The following RBBP4 variants were observed in gnomAD, a reference collection of about 807,000 sequenced individuals.
RBBP4 encodes RB binding protein 4, chromatin remodeling factor.
RBBP4 carries 3 observed loss-of-function variants against 57.2 expected under a neutral mutation model. The observed-to-expected ratio is 0.05, with a 90% CI of 0.02 to 0.14. RBBP4 has a LOEUF of 0.14. RBBP4 is among the 10% of genes least tolerant of loss of function. RBBP4 has a pLI of 1.00. For synonymous variants in RBBP4, 151 were observed against 171.5 expected (o/e 0.88, Z 0.93); for missense variants, 107 against 520.6 (o/e 0.21, Z 7.73).
In RBBP4 at chr1:32,669,691, C is replaced by T. The variant is rs1648790304; in HGVS notation, c.966+128C>T. The T allele has an allele frequency of 7.3e-7, 1 of 1,370,728 alleles. No homozygotes were observed. The highest frequency in any genetic ancestry group is 2.8e-5 in the East Asian group (1 of 35,452). The allele number at this position is 1,370,728 out of a possible 1,614,324, so 84.9% of individuals were successfully genotyped here. ...GGATCACAAGGTCAGGAGATCGAGA[C>T]CATCCTGGCTAACACGGTGAAACCC... On this transcript the variant is annotated intron_variant, in intron 8 of 11. Coordinates refer to ENST00000373493, the MANE Select transcript of RBBP4 (RefSeq NM_005610.3). This position sits in a 1 kb window ranked among gnomAD's most constrained non-coding sequence, Gnocchi z 4.9.
intron 8 of RBBP4, among the ~76,000 whole-genome samples, chr1:32,671,652 A>G (rs1648880914): frequency 6.6e-6 from 1 of 151,644 alleles, no homozygotes; most frequent in Non-Finnish European, 1.5e-5. Flanking sequence ...TGAGCCCAAG[A>G]GTTCAAGTCC....
intron 3 of RBBP4, chr1:32,657,790 C>A: frequency 2.3e-6 from 1 of 436,052 alleles, no homozygotes; most frequent in Non-Finnish European, 3.9e-6. Flanking sequence ...CTTTTCTCAG[C>A]TGGTGCTGGT....
intron 1 of RBBP4, chr1:32,651,572 T>C: frequency 9.6e-7 from 1 of 1,042,504 alleles, no homozygotes; most frequent in Non-Finnish European, 1.3e-6. Context: ...GCCTCCGATA[T>C]CGGTTTCTCG....
chr1:32,662,899 G>A lies in RBBP4; in HGVS notation c.311-5326G>A, dbSNP rs186024737. Among the ~76,000 whole-genome samples the A allele has an allele frequency of 2.4e-4, 37 of 152,002 alleles. No individual in the cohort carries two copies. The East Asian group carries it at 6.7e-3, about 27-fold the overall frequency. ...CTTGGAAGGCTGATGCAGTAGAATC[G>A]CTTGAACCCAGGAGGCGGAGGTTGC... On this transcript the variant is annotated intron_variant, in intron 3 of 11. Coordinates refer to ENST00000373493, the MANE Select transcript of RBBP4 (RefSeq NM_005610.3).
intron 3 of RBBP4, among the ~76,000 whole-genome samples, chr1:32,665,591 T>A (rs948941168): frequency 6.7e-6 from 1 of 150,276 alleles, no homozygotes; most frequent in Non-Finnish European, 1.5e-5. Flanking sequence ...GGCAGGAGAA[T>A]CGCTTGAACC....
At position 32,651,907 on chromosome 1, in the gene RBBP4, A is replaced by G. The variant is rs768580497; in HGVS notation, c.17-7A>G. On this transcript the variant is annotated splice_polypyrimidine_tract_variant and splice_region_variant and intron_variant, in intron 1 of 11. Transcript: ENST00000373493. ...TGCTAACTTAAATTTGTTTTTAAAA[A>G]TTTTAGCAGCCTTCGACGACGCAGT... 6.2e-7 allele frequency: 1 copy of G among 1,613,104 alleles called. No homozygotes were observed. The highest frequency in any genetic ancestry group is 8.5e-7 in the Non-Finnish European group (1 of 1,179,640).
Position 32,660,439 on chromosome 1 carries a change from C to T in RBBP4, c.310+2867C>T, listed in dbSNP as rs774413912. 8.5e-4 allele frequency among the ~76,000 whole-genome samples: 8 copies of T among 9,412 alleles called. No homozygotes were observed. The South Asian group carries it at 0.016, about 19-fold the overall frequency. The allele number at this position is 9,412 out of a possible 152,430, so 6.2% of individuals were successfully genotyped here. A position where few individuals can be genotyped will look rare whatever the true frequency, so the allele number is the denominator to read the frequency against. On this transcript the variant is annotated intron_variant, in intron 3 of 11. Transcript: ENST00000373493. Reference sequence around the variant, plus strand: ...TTTTATTTATTTATTTTTTTTGAGTCGGAGTCTGGCTCTGTCGCCCAGGCT... The same window carrying T: ...TTTTATTTATTTATTTTTTTTGAGTTGGAGTCTGGCTCTGTCGCCCAGGCT...
In RBBP4 at chr1:32,683,257, T is replaced by TC. The variant is rs1414368679; in HGVS notation, c.*3554dup. On this transcript the variant is annotated 3_prime_UTR_variant, in exon 12 of 12. Transcript: ENST00000373493. ...CTCCAGCCTGGCAACAGAGCAAGACTCCGTCTCAAAAAAAAAAAAAAAAAA... is the reference window on the plus strand; with the variant it reads ...CTCCAGCCTGGCAACAGAGCAAGACTCCCGTCTCAAAAAAAAAAAAAAAAAA... 5.0e-5 allele frequency: 4 copies of TC among 79,618 alleles called. No individual in the cohort carries two copies. The highest frequency in any genetic ancestry group is 9.6e-5 in the Non-Finnish European group (4 of 41,856). The allele number at this position is 79,618 out of a possible 1,614,324, so 4.9% of individuals were successfully genotyped here. A position where few individuals can be genotyped will look rare whatever the true frequency, so the allele number is the denominator to read the frequency against.
chr1:32,651,796 A>C, intron 1 of RBBP4, 118 bp from the exon 2 acceptor site: 1 of 1,224,392 alleles, frequency 8.2e-7, no homozygotes, highest in South Asian at 1.5e-5. Context: ...TGCCGTGGGG[A>C]TTTAGACAAA....
chr1:32,672,461 A>G lies in RBBP4; in HGVS notation c.978A>G (p.Ser326=), dbSNP rs1328220835. Residue 326 remains serine, a synonymous_variant, in exon 9 of 12, where the codon TCA becomes TCG. Transcript: ENST00000373493. Reference sequence around the variant, plus strand: ...ATTCCTATGTGTAGGTTCAGTGGTCACCTCACAATGAGACTATTTTAGCTT... The same window carrying G: ...ATTCCTATGTGTAGGTTCAGTGGTCGCCTCACAATGAGACTATTTTAGCTT... ...HKDEIFQVQW[S]PHNETILASS... 1 of 1,605,808 alleles carries G rather than the reference A, an allele frequency of 6.2e-7. No homozygotes were observed. Among genetic ancestry groups the G allele is most frequent in the African/African-American group, 1.3e-5 (1 of 74,542 alleles).
At chr1:32,663,766 C>T (rs1169063480) in intron 3 of RBBP4, among the ~76,000 whole-genome samples, 8 of 150,440 alleles carry the variant, frequency 5.3e-5, no homozygotes, top group South Asian at 2.1e-4. Flanking sequence ...TTAGTAGTGA[C>T]GGGGTTTCAC....
At position 32,684,373 on chromosome 1, in the gene RBBP4, C is replaced by T; in HGVS notation, c.*4668C>T. ...TGCCTCTGGCGTTCTTCCATTTCCT[C>T]CAGCTGTTCCTGCATGAGATGGCCA... On this transcript the variant is annotated 3_prime_UTR_variant, in exon 12 of 12. Transcript: ENST00000373493. 1 of 1,614,160 alleles carries T rather than the reference C, an allele frequency of 6.2e-7. No individual in the cohort carries two copies. The highest frequency in any genetic ancestry group is 8.5e-7 in the Non-Finnish European group (1 of 1,180,020).
rs1647644397 is a variant in RBBP4, at chr1:32,651,508, C to T, written c.16+186C>T. On this transcript the variant is annotated intron_variant, in intron 1 of 11. Coordinates refer to ENST00000373493, the MANE Select transcript of RBBP4 (RefSeq NM_005610.3). ...CCAGTTCCCTGGGACCGATTTCGGT[C>T]GCAGCTGGCGAAGCCAGCGGTGGGG... 4.5e-6 allele frequency: 6 copies of T among 1,341,732 alleles called. No homozygotes were observed. In the Admixed American group the frequency reaches 1.5e-4, roughly 33 times the overall value. The allele number at this position is 1,341,732 out of a possible 1,614,324, so 83.1% of individuals were successfully genotyped here. A position where few individuals can be genotyped will look rare whatever the true frequency, so the allele number is the denominator to read the frequency against.
rs1248186805 is a variant in RBBP4, at chr1:32,679,816, A to G, written c.*111A>G. The G allele has an allele frequency of 9.4e-6, 14 of 1,495,592 alleles. No homozygotes were observed. The highest frequency in any genetic ancestry group is 1.2e-5 in the Non-Finnish European group (14 of 1,129,804). The allele number at this position is 1,495,592 out of a possible 1,614,324, so 92.6% of individuals were successfully genotyped here. ...TTATTCAGCTATCCCTCTATATAAT[A>G]GGTACCACCGATAATGCTATTAGCC... On this transcript the variant is annotated 3_prime_UTR_variant, in exon 12 of 12. Coordinates refer to ENST00000373493, the MANE Select transcript of RBBP4 (RefSeq NM_005610.3).
At chr1:32,664,247 G>T (rs1033269540) in intron 3 of RBBP4, among the ~76,000 whole-genome samples, 1 of 152,056 alleles carries the variant, frequency 6.6e-6, no homozygotes, top group Non-Finnish European at 1.5e-5. Context: ...CATTGGGCCG[G>T]CCCAATTTTC....
intron 2 of RBBP4, 113 bp from the exon 3 acceptor site, chr1:32,657,314 T>C: frequency 9.8e-7 from 1 of 1,022,400 alleles, no homozygotes; most frequent in Non-Finnish European, 1.4e-6. Context: ...AATGACTTTT[T>C]CCCCTCTCTT....
At chr1:32,653,947 C>T (rs930272792) in intron 2 of RBBP4, among the ~76,000 whole-genome samples, 3 of 151,968 alleles carry the variant, frequency 2.0e-5, no homozygotes, top group East Asian at 1.9e-4. Flanking sequence ...CGTGAGCCAC[C>T]GCGCCCGGCC....
rs1649811814 is a variant in RBBP4 at position 32,686,099 on chromosome 1, TACAC to T, written c.*6396_*6399del. 1 of 152,204 alleles carries T rather than the reference TACAC, an allele frequency of 6.6e-6. No individual in the cohort carries two copies. The highest frequency in any genetic ancestry group is 2.4e-5 in the African/African-American group (1 of 41,466). The allele number at this position is 152,204 out of a possible 1,614,324, so 9.4% of individuals were successfully genotyped here. ...ATTGAGATGTAATGTAAGTGTAAAA[TACAC>T]AGCAGATTTCTAAGACAGCACACAA... On this transcript the variant is annotated 3_prime_UTR_variant, in exon 12 of 12. Transcript: ENST00000373493.
intron 10 of RBBP4, 21 bp from the exon 11 acceptor site, chr1:32,672,768 CTT>C (rs1401555381): frequency 1.9e-6 from 3 of 1,562,780 alleles, no homozygotes; most frequent in Non-Finnish European, 2.6e-6. Flanking sequence ...CATTTCACCT[CTT>C]TGTTTTCTTC....
Sources: gnomAD v4.1 joint callset for allele counts (sites outside exome capture counted in the v4.1 genomes callset) on GRCh38, gnomAD v4.1.1 for gene constraint, Gnocchi (gnomAD v3.1) non-coding constraint, MANE v1.5 for transcripts, NCBI Gene and HGNC (gene_info 2026-07-23, HGNC 2026-07-21) for gene names.